FREM3: variants seen among roughly 807,000 people sequenced by gnomAD.
FREM3 encodes FRAS1 related extracellular matrix 3.
A neutral mutation model predicts 129.1 loss-of-function variants in FREM3; 105 were observed. That is an observed-to-expected ratio of 0.81 (90% CI 0.69 to 0.96). The LOEUF is 0.96. Among genes scored for constraint, FREM3 ranks in the 40% least tolerant of loss-of-function variants. The pLI, the probability that FREM3 is intolerant of heterozygous loss-of-function variation, is 0.00. For synonymous variants in FREM3, 1,014 were observed against 1,044.9 expected (o/e 0.97, Z 0.57); for missense variants, 2,593 against 2,666.3 (o/e 0.97, Z 0.61).
chr4:143,591,112 A>G (rs906587899), intron 6 of FREM3, among the ~76,000 whole-genome samples: 3 of 152,002 alleles, frequency 2.0e-5, no homozygotes, highest in African/African-American at 7.2e-5. Context: ...TATTGCGTCT[A>G]TTTGATTCTT....
intron 7 of FREM3, among the ~76,000 whole-genome samples, chr4:143,580,349 T>A (rs1738109329): frequency 6.6e-6 from 1 of 151,968 alleles, no homozygotes; most frequent in Admixed American, 6.6e-5. Context: ...GGGTAAATGG[T>A]GAGTGCGACC....
intron 2 of FREM3, among the ~76,000 whole-genome samples, chr4:143,683,378 G>A (rs372050407): frequency 2.6e-5 from 4 of 152,202 alleles, no homozygotes; most frequent in African/African-American, 9.7e-5. Context: ...GTGGTAAAGG[G>A]AGACCCTCCT....
chr4:143,618,180 G>A (rs1738883834), intron 5 of FREM3, among the ~76,000 whole-genome samples: 1 of 152,078 alleles, frequency 6.6e-6, no homozygotes, highest in African/African-American at 2.4e-5. Flanking sequence ...AGTCAGCTAG[G>A]ATGGAGGAGT....
chr4:143,680,764 A>C (rs1050651451), intron 2 of FREM3, among the ~76,000 whole-genome samples: 2 of 152,138 alleles, frequency 1.3e-5, no homozygotes, highest in African/African-American at 4.8e-5. Flanking sequence ...TTGAATTATC[A>C]TATGTATTCT....
Position 143,618,295 on chromosome 4 carries a change from C to G in FREM3, c.5779+2742G>C, listed in dbSNP as rs146895393. On this transcript the variant is annotated intron_variant, in intron 5 of 7. Coordinates refer to ENST00000329798, the MANE Select transcript of FREM3 (RefSeq NM_001168235.2). Reference sequence around the variant, plus strand: ...ATTTCCAGATGTGAAAGCTGGCATGCCTGGAAAACTCCCTGCATAGCTGGT... The same window carrying G: ...ATTTCCAGATGTGAAAGCTGGCATGGCTGGAAAACTCCCTGCATAGCTGGT... Among the ~76,000 whole-genome samples, 764 of 151,868 alleles carry G rather than the reference C, an allele frequency of 5.0e-3. 2 individuals are homozygous for G. The highest frequency in any genetic ancestry group is 6.8e-3 in the Admixed American group (103 of 15,252).
chr4:143,693,747 C>T (rs919097110), intron 1 of FREM3, among the ~76,000 whole-genome samples: 1 of 152,160 alleles, frequency 6.6e-6, no homozygotes, highest in African/African-American at 2.4e-5. Flanking sequence ...TACATATATA[C>T]CATGGAATCC....
chr4:143,655,715 G>A (rs1019629717), intron 2 of FREM3, among the ~76,000 whole-genome samples: 1 of 152,180 alleles, frequency 6.6e-6, no homozygotes, highest in African/African-American at 2.4e-5. Flanking sequence ...CATTTCATCA[G>A]TGCTTCTCAA....
chr4:143,593,348 T>A (rs1738401859), intron 6 of FREM3, among the ~76,000 whole-genome samples: 1 of 152,190 alleles, frequency 6.6e-6, no homozygotes, highest in Non-Finnish European at 1.5e-5. Flanking sequence ...GCTCTGTTTT[T>A]TCCCCATCTT....
rs1264353236 is a variant in FREM3, at chr4:143,697,886, G to A, written c.2790C>T (p.Ile930=). 2.6e-6 allele frequency: 4 copies of A among 1,537,788 alleles called. No homozygotes were observed. The Admixed American group carries it at 5.9e-5, about 23-fold the overall frequency. ...CCACATTGGGATGCACAGAAATTGGGATGGTGATGGGTATATGGTGCACCC... is the reference window on the plus strand; with the variant it reads ...CCACATTGGGATGCACAGAAATTGGAATGGTGATGGGTATATGGTGCACCC... ...SDGVHHIPIT[I]PISVHPNVAN... The change falls in exon 1 of 8, where the codon ATC becomes ATT. Residue 930 remains isoleucine (I), a synonymous_variant. Transcript: ENST00000329798.
Position 143,587,854 on chromosome 4 carries a change from C to T in FREM3, c.6029-1861G>A, listed in dbSNP as rs181678893. Reference sequence around the variant, plus strand: ...TATTCTGGCTGATCACTTAATCATTCCTCAACCTATTTAGCATTTGGAAGT... The same window carrying T: ...TATTCTGGCTGATCACTTAATCATTTCTCAACCTATTTAGCATTTGGAAGT... On this transcript the variant is annotated intron_variant, in intron 6 of 7. Transcript: ENST00000329798. 1.1e-3 allele frequency among the ~76,000 whole-genome samples: 162 copies of T among 152,280 alleles called. 1 individual carries two copies. The highest frequency in any genetic ancestry group is 3.8e-3 in the African/African-American group (157 of 41,566).
At chr4:143,606,588 A>G (rs570002219) in intron 6 of FREM3, among the ~76,000 whole-genome samples, 2 of 152,216 alleles carry the variant, frequency 1.3e-5, no homozygotes, top group Non-Finnish European at 2.9e-5. Context: ...CTTAGGGGTA[A>G]ATGCATCCTA....
chr4:143,700,199 C>T lies in FREM3; in HGVS notation c.477G>A (p.Ala159=), dbSNP rs755932423. The part of the protein sequence containing the change: ...THTLVLPFTL[A]VDLVFSQLEL... ...CCAGCTGGGAGAAGACCAAGTCCAC[C>T]GCCAGCGTGAAGGGCAGCACCAGAG... The change falls in exon 1 of 8, where the codon GCG becomes GCA. Residue 159 remains alanine (A), a synonymous_variant. Transcript: ENST00000329798. 2.0e-6 allele frequency: 3 copies of T among 1,536,970 alleles called. No homozygotes were observed. Among genetic ancestry groups the T allele is most frequent in the South Asian group, 1.2e-5 (1 of 84,066 alleles).
intron 2 of FREM3, among the ~76,000 whole-genome samples, chr4:143,680,964 G>A (rs1466657356): frequency 3.9e-5 from 6 of 152,022 alleles, no homozygotes; most frequent in African/African-American, 7.2e-5. Context: ...TATGGACCAC[G>A]AGGCAAGTCA....
At chr4:143,648,870 T>C (rs1739464220) in intron 2 of FREM3, among the ~76,000 whole-genome samples, 1 of 152,078 alleles carries the variant, frequency 6.6e-6, no homozygotes, top group African/African-American at 2.4e-5. Flanking sequence ...TCAAGCTGTC[T>C]CCCACCTCAG....
In FREM3 at chr4:143,618,641, C is replaced by A. The variant is rs934694264; in HGVS notation, c.5779+2396G>T. Among the ~76,000 whole-genome samples, 5 of 152,144 alleles carry A rather than the reference C, an allele frequency of 3.3e-5. No homozygotes were observed. The East Asian group carries it at 9.7e-4, about 29-fold the overall frequency. On this transcript the variant is annotated intron_variant, in intron 5 of 7. Coordinates refer to ENST00000329798, the MANE Select transcript of FREM3 (RefSeq NM_001168235.2). The stretch of plus-strand genomic sequence containing the variant: ...AAGTATGGTGGCACACACCTGTAGT[C>A]CCAGCACCTTGGGAAGCCAAGTCAG...
chr4:143,643,758 G>A (rs1176285139), intron 2 of FREM3, among the ~76,000 whole-genome samples: 1 of 152,064 alleles, frequency 6.6e-6, no homozygotes, highest in Non-Finnish European at 1.5e-5. Flanking sequence ...GCACAGTAGG[G>A]TGACTCTGGT....
intron 2 of FREM3, among the ~76,000 whole-genome samples, chr4:143,655,942 C>T (rs185021246): frequency 2.2e-4 from 34 of 152,134 alleles, no homozygotes; most frequent in Middle Eastern, 3.4e-3. Flanking sequence ...TCAAGTTTTC[C>T]CACACTCCCT....
At chr4:143,675,951 C>A (rs1198647075) in intron 2 of FREM3, among the ~76,000 whole-genome samples, 1 of 152,066 alleles carries the variant, frequency 6.6e-6, no homozygotes, top group Non-Finnish European at 1.5e-5. Flanking sequence ...CAGCCGAATT[C>A]TACCAGAGGT....
At chr4:143,677,133 C>G (rs1185021301) in intron 2 of FREM3, among the ~76,000 whole-genome samples, 1 of 152,188 alleles carries the variant, frequency 6.6e-6, no homozygotes, top group African/African-American at 2.4e-5. Flanking sequence ...CGCTACCTGA[C>G]TTCAGACTAT....
Sources: allele counts gnomAD v4.1 joint callset (sites outside exome capture counted in the v4.1 genomes callset), GRCh38; gene constraint gnomAD v4.1.1; transcripts MANE v1.5; gene names NCBI Gene and HGNC (gene_info 2026-07-23, HGNC 2026-07-21).